The following NCBP3 variants were observed in gnomAD, a reference collection of about 807,000 sequenced individuals.
NCBP3 encodes nuclear cap-binding protein subunit 3.
In NCBP3, 20 loss-of-function variants were observed where a neutral mutation model predicts 75.7. The ratio of observed to expected loss-of-function variants is 0.26; its 90% CI spans 0.19 to 0.38. NCBP3 has a LOEUF of 0.38. Ranked by LOEUF, NCBP3 falls within the 10% of genes least tolerant of loss-of-function variation. The probability of loss-of-function intolerance (pLI) is 1.00; values close to 1 mark genes in which losing one functional copy is unlikely to be tolerated. For missense variants in NCBP3, 678 were observed against 796.9 expected, an observed-to-expected ratio of 0.85 and a Z score of 1.80; for synonymous variants, 293 against 290.5, an observed-to-expected ratio of 1.01 and a Z score of -0.09.
At chr17:3,826,351 T>C in intron 4 of NCBP3, 136 bp from the exon 5 acceptor site, 2 of 862,012 alleles carry the variant, frequency 2.3e-6, no homozygotes, top group Non-Finnish European at 3.4e-6. Context: ...AACCAACTAA[T>C]GAAGAGAAAT....
At chr17:3,839,587 A>C (rs1418511114) in intron 3 of NCBP3, among the ~76,000 whole-genome samples, 1 of 152,172 alleles carries the variant, frequency 6.6e-6, no homozygotes, top group Admixed American at 6.5e-5. Context: ...ACCTCAAGTG[A>C]TCCACCTGCC....
rs2053436457 is a variant in NCBP3, at chr17:3,812,519, G to T, written c.*525C>A. On this transcript the variant is annotated 3_prime_UTR_variant, in exon 13 of 13. Transcript: ENST00000389005. ...CTGGGCGGCACTGGTGCACCTCTGAGGTCAGGTCCGTGAGATTCGCCCCAC... is the reference window on the plus strand; with the variant it reads ...CTGGGCGGCACTGGTGCACCTCTGATGTCAGGTCCGTGAGATTCGCCCCAC... 4 of 999,476 alleles carry T rather than the reference G, an allele frequency of 4.0e-6. No individual in the cohort carries two copies. The South Asian group carries it at 1.8e-4, about 44-fold the overall frequency. 61.9% of individuals were successfully genotyped at this position (999,476 alleles called of 1,614,324 possible). A position where few individuals can be genotyped will look rare whatever the true frequency, so the allele number is the denominator to read the frequency against.
chr17:3,819,194 G>C (rs1200000999), intron 9 of NCBP3, among the ~76,000 whole-genome samples: 1 of 152,194 alleles, frequency 6.6e-6, no homozygotes, highest in Non-Finnish European at 1.5e-5. Context: ...TCAGGCATGA[G>C]TTATAGGGCT....
chr17:3,824,841 T>C (rs2053754411), intron 7 of NCBP3, 101 bp downstream of exon 7: 2 of 596,454 alleles, frequency 3.4e-6, no homozygotes, highest in Non-Finnish European at 2.8e-6. Context: ...AAGGGAACTT[T>C]GAGATTACTT....
At chr17:3,822,203 T>G (rs963703156) in intron 7 of NCBP3, 151 bp from the exon 8 acceptor site, 32 of 615,742 alleles carry the variant, frequency 5.2e-5, no homozygotes, top group Non-Finnish European at 8.6e-5. Context: ...ACACTCTGAG[T>G]GCCCACTACA....
At position 3,816,290 on chromosome 17, in the gene NCBP3, T is replaced by C; in HGVS notation, c.1311-20A>G. On this transcript the variant is annotated intron_variant, in intron 10 of 12. Transcript: ENST00000389005. Reference sequence around the variant, plus strand: ...GAGTTCCTTTAAAAAGGGGGTAGGATGGGGCACAGTTAACCAACTTCAACT... The same window carrying C: ...GAGTTCCTTTAAAAAGGGGGTAGGACGGGGCACAGTTAACCAACTTCAACT... The C allele has an allele frequency of 6.2e-7, 1 of 1,606,072 alleles. No homozygotes were observed. The highest frequency in any genetic ancestry group is 1.1e-5 in the South Asian group (1 of 90,042).
At chr17:3,844,799 A>C (rs1052273579) in intron 1 of NCBP3, among the ~76,000 whole-genome samples, 13 of 152,066 alleles carry the variant, frequency 8.5e-5, no homozygotes, top group Non-Finnish European at 1.8e-4. Flanking sequence ...GCGGTGAGCC[A>C]AGATCAGGCC....
intron 12 of NCBP3, 135 bp downstream of exon 12, chr17:3,814,187 A>G (rs561284884): frequency 7.7e-6 from 7 of 904,064 alleles, no homozygotes; most frequent in Non-Finnish European, 1.0e-5. Context: ...CGATAACTAT[A>G]ATGGAAAAGG....
chr17:3,820,857 G>A lies in NCBP3; in HGVS notation c.1000+392C>T, dbSNP rs748348085. Among the ~76,000 whole-genome samples the A allele has an allele frequency of 9.0e-4, 137 of 151,952 alleles. 3 individuals carry two copies. Among genetic ancestry groups the A allele is most frequent in the Admixed American group, 5.2e-4 (8 of 15,254 alleles). The stretch of plus-strand genomic sequence containing the variant: ...AAGGCAGGAGAATTGCTTGAATCCA[G>A]GAGGCAGAGTTGCAGTGAGCCGAGA... On this transcript the variant is annotated intron_variant, in intron 9 of 12. Transcript: ENST00000389005.
intron 1 of NCBP3, among the ~76,000 whole-genome samples, chr17:3,845,117 T>G (rs1363634274): frequency 6.6e-6 from 1 of 152,164 alleles, no homozygotes; most frequent in African/African-American, 2.4e-5. Context: ...GACTCCTGAA[T>G]AGCTGGCACT....
At chr17:3,820,904 T>A (rs1200583549) in intron 9 of NCBP3, among the ~76,000 whole-genome samples, 1 of 151,170 alleles carries the variant, frequency 6.6e-6, no homozygotes, top group Admixed American at 6.6e-5. Flanking sequence ...CACTCCAGCC[T>A]GAGAGACAGA....
At chr17:3,815,176 C>T (rs1270721841) in intron 11 of NCBP3, among the ~76,000 whole-genome samples, 1 of 152,152 alleles carries the variant, frequency 6.6e-6, no homozygotes, top group African/African-American at 2.4e-5. Flanking sequence ...CTAGTTCAGG[C>T]TCTTGTTACT....
rs1432430033 is a variant in NCBP3 at position 3,829,273 on chromosome 17, C to T, written c.451G>A (p.Ala151Thr). The change falls in exon 4 of 13, where the codon GCT (alanine) becomes ACT (threonine). Residue 151 changes from alanine (A) to threonine (T), a missense_variant. Physicochemically the swap from Ala to Thr is moderately conservative, Grantham distance 58. Transcript: ENST00000389005. Reference sequence around the variant, plus strand: ...GTATCATCCAACCATTCGATGTGAGCTGGAGGATATTCTTTAAAATAGGAA... The same window carrying T: ...GTATCATCCAACCATTCGATGTGAGTTGGAGGATATTCTTTAAAATAGGAA... ...VFSYFKEYPP[A>T]HIEWLDDTSC... 6.4e-7 allele frequency: 1 copy of T among 1,551,650 alleles called. No homozygotes were observed. The highest frequency in any genetic ancestry group is 1.2e-5 in the South Asian group (1 of 84,056).
intron 1 of NCBP3, 64 bp downstream of exon 1, chr17:3,845,977 G>A: frequency 6.7e-7 from 1 of 1,487,988 alleles, no homozygotes; most frequent in Non-Finnish European, 9.0e-7. Context: ...GCCCCTTCCG[G>A]CCCCCTCCGG....
Position 3,846,142 on chromosome 17 carries a change from C to A in NCBP3, c.82G>T (p.Ala28Ser). 3 of 1,540,676 alleles carry A rather than the reference C, an allele frequency of 1.9e-6. No homozygotes were observed. The highest frequency in any genetic ancestry group is 2.6e-5 in the East Asian group (1 of 38,754). Residue 28 changes from alanine to serine, a missense_variant, in exon 1 of 13, where the codon GCG becomes TCG. By Grantham distance (99) the Ala-to-Ser change is moderately conservative (BLOSUM62 1). Around this residue, in one of 7 missense-constraint regions of NCBP3, gnomAD observed 76 missense variants for 53.8 expected, o/e 1.41. Coordinates refer to ENST00000389005, the MANE Select transcript of NCBP3 (RefSeq NM_001114118.3). The surrounding 1 kb of genome is among the most constrained non-coding windows in gnomAD (Gnocchi z 4.6). ...GPALGLPSPE[A>S]ESGVDRGEPE... ...TCGCCACGGTCAACACCGGACTCCG[C>A]CTCAGGGGACGGGAGCCCCAGGGCC...
intron 4 of NCBP3, among the ~76,000 whole-genome samples, chr17:3,827,669 A>G (rs568757311): frequency 3.9e-5 from 6 of 152,306 alleles, no homozygotes; most frequent in African/African-American, 1.2e-4. Flanking sequence ...CCTGAGGCAA[A>G]TATGTTCCTT....
chr17:3,820,748 T>C (rs2053646065), intron 9 of NCBP3, among the ~76,000 whole-genome samples: 2 of 152,168 alleles, frequency 1.3e-5, no homozygotes, highest in Admixed American at 6.5e-5. Flanking sequence ...CTGGCCAACA[T>C]GGTGAAACCC....
At chr17:3,820,562 A>G (rs2053642151) in intron 9 of NCBP3, among the ~76,000 whole-genome samples, 1 of 152,232 alleles carries the variant, frequency 6.6e-6, no homozygotes, top group African/African-American at 2.4e-5. Flanking sequence ...CAACAAGCAC[A>G]AAGCACTCAA....
At chr17:3,833,010 G>A (rs969691592) in intron 3 of NCBP3, among the ~76,000 whole-genome samples, 2 of 152,180 alleles carry the variant, frequency 1.3e-5, no homozygotes, top group Non-Finnish European at 2.9e-5. Context: ...AGCACTTTGG[G>A]AGGCTGAGGT....
Sources: gnomAD v4.1 joint callset for allele counts (sites outside exome capture counted in the v4.1 genomes callset) on GRCh38, gnomAD v4.1.1 for gene constraint, gnomAD v4.1.1 regional missense constraint, Gnocchi (gnomAD v3.1) non-coding constraint, MANE v1.5 for transcripts, NCBI Gene and HGNC (gene_info 2026-07-23, HGNC 2026-07-21) for gene names.